Variants in RBM33 observed in about 807,000 individuals in gnomAD.
RBM33 encodes the protein RNA-binding protein 33.
RBM33 carries 28 observed loss-of-function variants against 132.6 expected under a neutral mutation model. That is an observed-to-expected ratio of 0.21 (90% CI 0.16 to 0.29). RBM33 has a LOEUF of 0.29. Among genes scored for constraint, RBM33 ranks in the 10% least tolerant of loss-of-function variants. The pLI, the probability that RBM33 is intolerant of heterozygous loss-of-function variation, is 1.00. For synonymous variants in RBM33, 634 were observed against 593.0 expected (o/e 1.07, Z -1.01); for missense variants, 1,291 against 1,518.5 (o/e 0.85, Z 2.49).
At chr7:155,724,879 T>A (rs1585491054) in intron 9 of RBM33, among the ~76,000 whole-genome samples, 2 of 152,196 alleles carry the variant, frequency 1.3e-5, no homozygotes, top group Non-Finnish European at 2.9e-5. Flanking sequence ...TCAGTAGTAT[T>A]CCAGTATATG....
rs1800298959 is a variant in RBM33 at position 155,711,533 on chromosome 7, C to CG, written c.1201+79dup. 5.2e-6 allele frequency: 5 copies of CG among 959,044 alleles called. No individual in the cohort carries two copies. In the East Asian group the frequency reaches 1.6e-4, roughly 31 times the overall value. The allele number at this position is 959,044 out of a possible 1,614,324, so 59.4% of individuals were successfully genotyped here. A position where few individuals can be genotyped will look rare whatever the true frequency, so the allele number is the denominator to read the frequency against. ...GTTTGACTTAGGATTTTTCCACTGA[C>CG]GCGTTTTTGACTTCATGAGTGTGTG... is the stretch of plus-strand genomic sequence containing the variant. On this transcript the variant is annotated intron_variant, in intron 8 of 17. Coordinates refer to ENST00000401878, the MANE Select transcript of RBM33 (RefSeq NM_053043.3).
chr7:155,678,528 C>A, intron 3 of RBM33, 80 bp from the exon 4 acceptor site: 1 of 862,204 alleles, frequency 1.2e-6, no homozygotes, highest in Non-Finnish European at 1.8e-6. Context: ...AGGAACAATT[C>A]AGTCAGTGTA....
intron 1 of RBM33, among the ~76,000 whole-genome samples, chr7:155,660,066 G>A (rs1394279118): frequency 1.3e-5 from 2 of 152,128 alleles, no homozygotes; most frequent in Non-Finnish European, 2.9e-5. Context: ...GATTATATCT[G>A]TAAATAGCTT....
chr7:155,648,438 G>T lies in RBM33; in HGVS notation c.43+3519G>T, dbSNP rs75934942. Among the ~76,000 whole-genome samples the T allele has an allele frequency of 2.8e-3, 424 of 152,322 alleles. 2 individuals carry two copies. The highest frequency in any genetic ancestry group is 9.6e-3 in the African/African-American group (397 of 41,566). On this transcript the variant is annotated intron_variant, in intron 1 of 17. Coordinates refer to ENST00000401878, the MANE Select transcript of RBM33 (RefSeq NM_053043.3). The stretch of plus-strand genomic sequence containing the variant: ...AGTGTTCCTTCCACTGTGTCAGTAT[G>T]TAGTAAGGCAGGAAAGTATGAAGCA...
chr7:155,735,407 A>C (rs1801085615), intron 9 of RBM33, among the ~76,000 whole-genome samples: 1 of 152,220 alleles, frequency 6.6e-6, no homozygotes, highest in East Asian at 1.9e-4. Context: ...AAAGATATTA[A>C]ATATTCAAGA....
chr7:155,704,178 T>A (rs552370257), intron 6 of RBM33, among the ~76,000 whole-genome samples: 27 of 152,262 alleles, frequency 1.8e-4, no homozygotes, highest in African/African-American at 6.0e-4. Flanking sequence ...AAGGAACAGT[T>A]TTATGCACAG....
intron 16 of RBM33, among the ~76,000 whole-genome samples, chr7:155,772,404 A>G (rs1310810159): frequency 6.6e-6 from 1 of 152,238 alleles, no homozygotes; most frequent in Non-Finnish European, 1.5e-5. Context: ...CTATTGTTTC[A>G]GTGACTGAGT....
In RBM33 at chr7:155,673,669, TACAC is replaced by T. The variant is rs1159150403; in HGVS notation, c.171+757_171+760del. On this transcript the variant is annotated intron_variant, in intron 3 of 17. Coordinates refer to ENST00000401878, the MANE Select transcript of RBM33 (RefSeq NM_053043.3). ...ACGTGTATATATACACACATATACA[TACAC>T]ACGTGTATATATATACACACATATA... is the stretch of plus-strand genomic sequence containing the variant. Among the ~76,000 whole-genome samples, 3 of 122,532 alleles carry T rather than the reference TACAC, an allele frequency of 2.4e-5. 1 individual carries two copies. Among genetic ancestry groups the T allele is most frequent in the African/African-American group, 7.2e-5 (2 of 27,604 alleles). The allele number at this position is 122,532 out of a possible 152,430, so 80.4% of individuals were successfully genotyped here. A position where few individuals can be genotyped will look rare whatever the true frequency, so the allele number is the denominator to read the frequency against.
chr7:155,679,043 G>A (rs1322776289), intron 4 of RBM33, among the ~76,000 whole-genome samples: 4 of 152,110 alleles, frequency 2.6e-5, no homozygotes, highest in Non-Finnish European at 4.4e-5. Context: ...GTAGTGGCCC[G>A]CGCCTATAGT....
intron 14 of RBM33, among the ~76,000 whole-genome samples, chr7:155,753,895 T>C (rs1238546907): frequency 2.6e-5 from 4 of 152,160 alleles, no homozygotes; most frequent in African/African-American, 7.2e-5. Context: ...GAAAGAAAAA[T>C]AGGGCATACA....
At chr7:155,734,622 C>T (rs1801053754) in intron 9 of RBM33, among the ~76,000 whole-genome samples, 2 of 152,022 alleles carry the variant, frequency 1.3e-5, no homozygotes, top group Admixed American at 1.3e-4. Context: ...TTTTTCATTT[C>T]TCAATGCAAA....
intron 1 of RBM33, among the ~76,000 whole-genome samples, chr7:155,652,597 T>G: frequency 6.6e-6 from 1 of 152,228 alleles, no homozygotes; most frequent in East Asian, 1.9e-4. Context: ...TGCTGCATGA[T>G]AGAGAATTGT....
chr7:155,680,571 T>C lies in RBM33; in HGVS notation c.249-19T>C. 6.6e-7 allele frequency: 1 copy of C among 1,506,948 alleles called. No individual in the cohort carries two copies. The highest frequency in any genetic ancestry group is 2.3e-5 in the East Asian group (1 of 42,844). The allele number at this position is 1,506,948 out of a possible 1,614,324, so 93.3% of individuals were successfully genotyped here. The stretch of plus-strand genomic sequence containing the variant: ...TCTCTTCATTGGGTGCTTTTTTTTT[T>C]TATTTTCGTCCTCTCTAGTTCTCAG... On this transcript the variant is annotated intron_variant, in intron 4 of 17. Transcript: ENST00000401878.
In RBM33 at chr7:155,737,591, C is replaced by A. The variant is rs764041995; in HGVS notation, c.1322C>A (p.Pro441Gln). ...GTTCCCAACAGTTTCAGCCAGCCCC[C>A]ACGACTCCCTCTCCAGGACCAGTGG... ...GPVPNSFSQP[P>Q]RLPLQDQWRA... The change falls in exon 10 of 18, where the codon CCA becomes CAA. Residue 441 changes from proline to glutamine, a missense_variant. Around this residue, in one of 7 missense-constraint regions of RBM33, gnomAD observed 841 missense variants for 912.0 expected, o/e 0.92. Transcript: ENST00000401878. 4 of 1,613,310 alleles carry A rather than the reference C, an allele frequency of 2.5e-6. No homozygotes were observed. In the Admixed American group the frequency reaches 6.7e-5, roughly 27 times the overall value.
intron 9 of RBM33, among the ~76,000 whole-genome samples, chr7:155,734,236 G>A (rs1260480694): frequency 6.6e-6 from 1 of 152,254 alleles, no homozygotes; most frequent in African/African-American, 2.4e-5. Flanking sequence ...CTCCTCCTGA[G>A]TGCGTGCTTC....
intron 14 of RBM33, among the ~76,000 whole-genome samples, chr7:155,747,129 T>TA (rs1431517590): frequency 1.3e-5 from 2 of 152,220 alleles, no homozygotes; most frequent in Non-Finnish European, 2.9e-5. Context: ...TCCAGTAGGA[T>TA]AGTCTTTATC....
rs934602088 is a variant in RBM33, at chr7:155,778,049, C to G, written c.*3008C>G. 6.6e-6 allele frequency: 1 copy of G among 152,644 alleles called. No homozygotes were observed. Among genetic ancestry groups the G allele is most frequent in the African/African-American group, 2.4e-5 (1 of 41,452 alleles). The allele number at this position is 152,644 out of a possible 1,614,324, so 9.5% of individuals were successfully genotyped here. ...CTGGTCTGGCCACGTTTGTTAAATC[C>G]TTATACTGATATTCTTCTAAAGAGT... On this transcript the variant is annotated 3_prime_UTR_variant, in exon 18 of 18. Transcript: ENST00000401878. The surrounding 1 kb of genome is among the most constrained non-coding windows in gnomAD (Gnocchi z 4.0).
At chr7:155,673,940 G>GTTGTTGTTGTTTTT in intron 3 of RBM33, among the ~76,000 whole-genome samples, 2 of 54,214 alleles carry the variant, frequency 3.7e-5, no homozygotes, top group African/African-American at 1.7e-4. Context: ...TTTAGGCTTA[G>GTTGTTGTTGTTTTT]TTTTTTTTTT....
intron 8 of RBM33, among the ~76,000 whole-genome samples, chr7:155,713,773 T>C (rs1251678063): frequency 1.3e-5 from 2 of 152,188 alleles, no homozygotes; most frequent in African/African-American, 4.8e-5. Context: ...TTATTCTAAG[T>C]TTTTTATTCA....
Sources: allele counts gnomAD v4.1 joint callset (sites outside exome capture counted in the v4.1 genomes callset), GRCh38; gene constraint gnomAD v4.1.1; regional missense constraint gnomAD v4.1.1; non-coding constraint Gnocchi (gnomAD v3.1); transcripts MANE v1.5; gene names NCBI Gene and HGNC (gene_info 2026-07-23, HGNC 2026-07-21).